Variants in SCFD2 observed in about 807,000 individuals in gnomAD.
The protein encoded by SCFD2 is sec1 family domain containing 2.
In SCFD2, 54 loss-of-function variants were observed where a neutral mutation model predicts 58.9. That is an observed-to-expected ratio of 0.92 (90% CI 0.74 to 1.15). The LOEUF (loss-of-function observed/expected upper bound fraction) is 1.15, where lower values mean the gene tolerates loss of function less well. Ranked by LOEUF, SCFD2 falls within the 50% of genes most tolerant of loss-of-function variation. The pLI is 0.00. For missense variants in SCFD2, 805 were observed against 836.6 expected, an observed-to-expected ratio of 0.96 and a Z score of 0.47; for synonymous variants, 321 against 335.9, an observed-to-expected ratio of 0.96 and a Z score of 0.49.
chr4:52,907,651 C>A, intron 6 of SCFD2, 60 bp from the exon 7 acceptor site: 1 of 1,547,090 alleles, frequency 6.5e-7, no homozygotes. Flanking sequence ...GAGAGGACAG[C>A]TTTATCTGCA....
At chr4:53,056,841 A>C (rs1277899542) in intron 5 of SCFD2, among the ~76,000 whole-genome samples, 1 of 152,114 alleles carries the variant, frequency 6.6e-6, no homozygotes, top group Non-Finnish European at 1.5e-5. Flanking sequence ...AAGGAAGAGT[A>C]ATAATGAGGA....
In SCFD2 at chr4:52,979,404, A is replaced by AAT. The variant is rs1238159872; in HGVS notation, c.1562-58536_1562-58535dup. Among the ~76,000 whole-genome samples, 57 of 152,076 alleles carry AAT rather than the reference A, an allele frequency of 3.7e-4. 1 individual carries two copies. The highest frequency in any genetic ancestry group is 1.5e-3 in the Admixed American group (23 of 15,260). On this transcript the variant is annotated intron_variant, in intron 5 of 8. Transcript: ENST00000401642. Reference sequence around the variant, plus strand: ...TACATGCCCTGTGATGAGTATTTCAAATATATATATATTAATAAAATGAAG... The same window carrying AAT: ...TACATGCCCTGTGATGAGTATTTCAAATATATATATATATTAATAAAATGAAG...
intron 3 of SCFD2, among the ~76,000 whole-genome samples, chr4:53,299,399 A>G (rs1732182258): frequency 6.6e-6 from 1 of 152,240 alleles, no homozygotes; most frequent in South Asian, 2.1e-4. Context: ...TAGAGAAAAA[A>G]GAATAAAAAG....
intron 5 of SCFD2, among the ~76,000 whole-genome samples, chr4:53,110,707 G>A (rs890080414): frequency 4.6e-5 from 7 of 152,214 alleles, no homozygotes; most frequent in African/African-American, 1.7e-4. Context: ...GAGAGGATGT[G>A]GAGAAATAGG....
At chr4:53,353,392 G>C (rs1280686905) in intron 1 of SCFD2, among the ~76,000 whole-genome samples, 1 of 152,188 alleles carries the variant, frequency 6.6e-6, no homozygotes, top group Non-Finnish European at 1.5e-5. Context: ...CAAACAGTGA[G>C]TAGCAGCAAT....
At chr4:52,974,572 A>T (rs1721200857) in intron 5 of SCFD2, among the ~76,000 whole-genome samples, 1 of 152,226 alleles carries the variant, frequency 6.6e-6, no homozygotes, top group Admixed American at 6.5e-5. Context: ...AAGAATCAAT[A>T]TCATGAAAAT....
At chr4:53,275,017 T>G (rs1251904407) in intron 3 of SCFD2, among the ~76,000 whole-genome samples, 1 of 152,228 alleles carries the variant, frequency 6.6e-6, no homozygotes, top group African/African-American at 2.4e-5. Flanking sequence ...TTGTTAAGTA[T>G]TTGGCAATGA....
chr4:53,095,543 C>G (rs985367301), intron 5 of SCFD2, among the ~76,000 whole-genome samples: 1 of 152,108 alleles, frequency 6.6e-6, no homozygotes, highest in African/African-American at 2.4e-5. Context: ...TCTTACTCCC[C>G]TCTTCAGTAT....
chr4:53,303,830 T>C, intron 3 of SCFD2, among the ~76,000 whole-genome samples: 1 of 142,620 alleles, frequency 7.0e-6, no homozygotes, highest in African/African-American at 2.5e-5. Flanking sequence ...GAAACCATCA[T>C]TCTCAGCAAA....
chr4:53,205,906 G>T (rs1337253920), intron 4 of SCFD2, among the ~76,000 whole-genome samples: 1 of 150,830 alleles, frequency 6.6e-6, no homozygotes, highest in African/African-American at 2.4e-5. Context: ...TACAAAATAA[G>T]CTTAATAAAT....
intron 5 of SCFD2, among the ~76,000 whole-genome samples, chr4:53,041,954 TG>T (rs1722910859): frequency 6.6e-6 from 1 of 152,198 alleles, no homozygotes; most frequent in Non-Finnish European, 1.5e-5. Flanking sequence ...TGTTCCACTT[TG>T]TTAAGACAAG....
Position 52,920,856 on chromosome 4 carries a change from T to C in SCFD2, c.1576A>G (p.Ile526Val). Residue 526 changes from isoleucine (I) to valine (V), a missense_variant, in exon 6 of 9, where the codon ATT (isoleucine) becomes GTT (valine). Ile to Val is a conservative substitution (Grantham distance 29). Around this residue, in one of 3 missense-constraint regions of SCFD2, gnomAD observed 633 missense variants for 646.8 expected, o/e 0.98. Coordinates refer to ENST00000401642, the MANE Select transcript of SCFD2 (RefSeq NM_152540.4). The part of the protein sequence containing the change: ...LQKITDWDSS[I>V]NLTFHKSKIA... ...TTGGATTTGTGAAATGTCAGATTAA[T>C]TGAAGAGTCCCAGTCTGAAAAAATC... is the stretch of plus-strand genomic sequence containing the variant. 1.9e-6 allele frequency: 3 copies of C among 1,610,350 alleles called. No homozygotes were observed. Among genetic ancestry groups the C allele is most frequent in the Non-Finnish European group, 2.5e-6 (3 of 1,177,814 alleles).
Position 53,307,231 on chromosome 4 carries a change from T to C in SCFD2, c.1135+6405A>G, listed in dbSNP as rs56722188. On this transcript the variant is annotated intron_variant, in intron 3 of 8. Coordinates refer to ENST00000401642, the MANE Select transcript of SCFD2 (RefSeq NM_152540.4). ...AAAGTTCATGTAGGGAAATAGGTAA[T>C]AGAGAGGGAAAGCAATGAGAATAGG... Among the ~76,000 whole-genome samples, 1,159 of 152,210 alleles carry C rather than the reference T, an allele frequency of 7.6e-3. 22 individuals are homozygous for C. The highest frequency in any genetic ancestry group is 0.026 in the African/African-American group (1,099 of 41,530).
At chr4:53,302,015 G>A (rs1319044834) in intron 3 of SCFD2, among the ~76,000 whole-genome samples, 2 of 152,118 alleles carry the variant, frequency 1.3e-5, no homozygotes, top group African/African-American at 2.4e-5. Context: ...GGCAAAAACT[G>A]GAAGCATTCC....
intron 6 of SCFD2, among the ~76,000 whole-genome samples, 200 bp downstream of exon 6, chr4:52,920,525 A>G (rs1315967390): frequency 6.6e-6 from 1 of 152,180 alleles, no homozygotes; most frequent in East Asian, 1.9e-4. Flanking sequence ...TCATCCCACC[A>G]TATCAAGCCT....
At chr4:53,200,402 A>G (rs1401031761) in intron 4 of SCFD2, among the ~76,000 whole-genome samples, 1 of 151,390 alleles carries the variant, frequency 6.6e-6, no homozygotes, top group African/African-American at 2.5e-5. Context: ...TATAAGTAGC[A>G]CTATGAAAGT....
rs537570959 is a variant in SCFD2, at chr4:53,359,128, A to G, written c.838+5976T>C. Among the ~76,000 whole-genome samples, 13 of 152,320 alleles carry G rather than the reference A, an allele frequency of 8.5e-5. No individual in the cohort carries two copies. In the South Asian group the frequency reaches 2.5e-3, roughly 29 times the overall value. ...CAAAGAAATACTACTTTCAGCAAAG[A>G]TGATAACCAAAAGATGAGAAAGAAA... On this transcript the variant is annotated intron_variant, in intron 1 of 8. Transcript: ENST00000401642.
intron 5 of SCFD2, among the ~76,000 whole-genome samples, chr4:53,129,283 G>T (rs1725720519): frequency 6.6e-6 from 1 of 152,016 alleles, no homozygotes; most frequent in South Asian, 2.1e-4. Context: ...AGAGAAAGGG[G>T]CTTCATTTTG....
At chr4:52,927,324 T>C (rs1357538306) in intron 5 of SCFD2, among the ~76,000 whole-genome samples, 3 of 152,122 alleles carry the variant, frequency 2.0e-5, no homozygotes, top group Admixed American at 6.5e-5. Context: ...TTTTTAGTAT[T>C]GTCTGCTGAT....
Sources: gnomAD v4.1 joint callset for allele counts (sites outside exome capture counted in the v4.1 genomes callset) on GRCh38, gnomAD v4.1.1 for gene constraint, gnomAD v4.1.1 regional missense constraint, MANE v1.5 for transcripts, NCBI Gene and HGNC (gene_info 2026-07-23, HGNC 2026-07-21) for gene names.